Variants in MPPED2 observed in about 807,000 individuals in gnomAD.
The protein encoded by MPPED2 is metallophosphoesterase MPPED2.
A neutral mutation model predicts 33.0 loss-of-function variants in MPPED2; 5 were observed. The observed-to-expected ratio is 0.15, with a 90% CI of 0.08 to 0.32. The LOEUF is 0.32. Among genes scored for constraint, MPPED2 ranks in the 10% least tolerant of loss-of-function variants. The probability of loss-of-function intolerance (pLI) is 1.00; values close to 1 mark genes in which losing one functional copy is unlikely to be tolerated. For missense variants in MPPED2, 275 were observed against 372.1 expected, an observed-to-expected ratio of 0.74 and a Z score of 2.15; for synonymous variants, 136 against 141.9, an observed-to-expected ratio of 0.96 and a Z score of 0.29.
At chr11:30,477,714 C>T (rs1422652070) in intron 4 of MPPED2, among the ~76,000 whole-genome samples, 1 of 152,022 alleles carries the variant, frequency 6.6e-6, no homozygotes, top group African/African-American at 2.4e-5. Flanking sequence ...TAATGTCATG[C>T]TGGCTATAAA....
intron 4 of MPPED2, among the ~76,000 whole-genome samples, chr11:30,440,715 C>T (rs993305444): frequency 2.0e-5 from 3 of 152,354 alleles, no homozygotes; most frequent in South Asian, 2.1e-4. Flanking sequence ...ACTGCTGACA[C>T]GTTCATTTCA....
At chr11:30,433,996 T>C (rs909768012) in intron 4 of MPPED2, among the ~76,000 whole-genome samples, 1 of 152,152 alleles carries the variant, frequency 6.6e-6, no homozygotes, top group African/African-American at 2.4e-5. Context: ...CCTTGGCTCC[T>C]GGCCCTAAAT....
chr11:30,394,695 C>T lies in MPPED2; in HGVS notation c.767-5739G>A, dbSNP rs560396265. ...TGATGTGAAAATATTTTCTCCCACTCTGTAATTTGTATTTTTATTTTTTAA... is the reference window on the plus strand; with the variant it reads ...TGATGTGAAAATATTTTCTCCCACTTTGTAATTTGTATTTTTATTTTTTAA... On this transcript the variant is annotated intron_variant, in intron 6 of 6. Coordinates refer to the MPPED2 transcript ENST00000448418. 3.2e-4 allele frequency among the ~76,000 whole-genome samples: 49 copies of T among 152,244 alleles called. No individual in the cohort carries two copies. In the South Asian group the frequency reaches 9.8e-3, roughly 30 times the overall value.
At chr11:30,443,682 A>T (rs1194921749) in intron 4 of MPPED2, among the ~76,000 whole-genome samples, 1 of 152,234 alleles carries the variant, frequency 6.6e-6, no homozygotes, top group Admixed American at 6.5e-5. Context: ...AACACTTTGT[A>T]GGCAGGTGGA....
chr11:30,539,336 G>A (rs527954834), intron 2 of MPPED2, among the ~76,000 whole-genome samples: 12 of 152,066 alleles, frequency 7.9e-5, no homozygotes, highest in Non-Finnish European at 1.6e-4. Flanking sequence ...CTAAGGCATC[G>A]TGTCAAATAT....
At chr11:30,500,965 A>T (rs1419229941) in intron 3 of MPPED2, among the ~76,000 whole-genome samples, 2 of 152,202 alleles carry the variant, frequency 1.3e-5, no homozygotes, top group Non-Finnish European at 2.9e-5. Flanking sequence ...TTAAGCCCGC[A>T]TGAAGTGTCC....
At chr11:30,406,030 C>A (rs1203961868), downstream of MPPED2, among the ~76,000 whole-genome samples, 1 of 152,112 alleles carries the variant, frequency 6.6e-6, no homozygotes, top group East Asian at 1.9e-4. Context: ...AAACGCATGA[C>A]AAACAGCCAT....
At chr11:30,552,201 T>A (rs1265136001) in intron 2 of MPPED2, among the ~76,000 whole-genome samples, 1 of 152,220 alleles carries the variant, frequency 6.6e-6, no homozygotes, top group South Asian at 2.1e-4. Flanking sequence ...TAGGTAGGTG[T>A]TCTTGAACAC....
chr11:30,407,684 C>A (rs1017562884), downstream of MPPED2, among the ~76,000 whole-genome samples: 3 of 152,042 alleles, frequency 2.0e-5, no homozygotes, highest in South Asian at 6.2e-4. Flanking sequence ...CTGTCCTGGG[C>A]AACATGGGGA....
At chr11:30,531,321 G>A (rs1393979510) in intron 3 of MPPED2, among the ~76,000 whole-genome samples, 4 of 152,224 alleles carry the variant, frequency 2.6e-5, no homozygotes, top group Non-Finnish European at 5.9e-5. Flanking sequence ...CAGGTGAAGA[G>A]AGGCACAGGT....
intron 3 of MPPED2, among the ~76,000 whole-genome samples, chr11:30,510,193 G>T (rs1430989386): frequency 6.6e-6 from 1 of 151,982 alleles, no homozygotes; most frequent in Non-Finnish European, 1.5e-5. Flanking sequence ...ACGGTTTAAG[G>T]CCATTTTTTT....
chr11:30,495,354 T>C lies in MPPED2; in HGVS notation c.478A>G (p.Ile160Val). Residue 160 changes from isoleucine (I) to valine (V), a missense_variant, in exon 4 of 7, where the codon ATT (isoleucine) becomes GTT (valine). Ile to Val is a conservative substitution (Grantham distance 29). Transcript: ENST00000358117. ...DNVQSLLTNS[I>V]YLQDSEVTVK... ...GTTACCTCCGAATCTTGTAAGTAAATACTGTTTGTCAGGAGGGACTGAACA... is the reference window on the plus strand; with the variant it reads ...GTTACCTCCGAATCTTGTAAGTAAACACTGTTTGTCAGGAGGGACTGAACA... 1 of 1,614,152 alleles carries C rather than the reference T, an allele frequency of 6.2e-7. No individual in the cohort carries two copies. The highest frequency in any genetic ancestry group is 8.5e-7 in the Non-Finnish European group (1 of 1,180,002).
At chr11:30,414,203 T>C (rs1407311011) in intron 6 of MPPED2, 25 bp downstream of exon 6, 5 of 1,534,208 alleles carry the variant, frequency 3.3e-6, no homozygotes, top group Non-Finnish European at 4.5e-6. Flanking sequence ...ACAAAATGTT[T>C]TGAATTCTTT....
chr11:30,384,437 A>T (rs945184047), downstream of MPPED2: 3 of 150,302 alleles, frequency 2.0e-5, no homozygotes, highest in Non-Finnish European at 3.0e-5. Context: ...TTGATTCTCA[A>T]CCATGTTTAG....
chr11:30,579,286 G>A lies in MPPED2; in HGVS notation c.128+960C>T, dbSNP rs562662572. Among the ~76,000 whole-genome samples, 18 of 152,126 alleles carry A rather than the reference G, an allele frequency of 1.2e-4. No individual in the cohort carries two copies. In the South Asian group the frequency reaches 2.1e-3, roughly 18 times the overall value. ...AGAGCTTGTGACTTGGACATGCCCCGAGTTCAATTCTTCCAGGAGTGGTAA... is the reference window on the plus strand; with the variant it reads ...AGAGCTTGTGACTTGGACATGCCCCAAGTTCAATTCTTCCAGGAGTGGTAA... On this transcript the variant is annotated intron_variant, in intron 2 of 6. Coordinates refer to ENST00000358117, the MANE Select transcript of MPPED2 (RefSeq NM_001584.3).
At chr11:30,570,343 T>TC (rs1360683306) in intron 2 of MPPED2, among the ~76,000 whole-genome samples, 1 of 151,976 alleles carries the variant, frequency 6.6e-6, no homozygotes, top group Non-Finnish European at 1.5e-5. Context: ...AGTCCCCACC[T>TC]CCTAATACCA....
intron 2 of MPPED2, among the ~76,000 whole-genome samples, chr11:30,570,645 T>G (rs1956648076): frequency 1.3e-5 from 2 of 152,172 alleles, no homozygotes; most frequent in African/African-American, 4.8e-5. Context: ...AATGCCTATG[T>G]CATAGAAGAA....
At chr11:30,425,223 G>T (rs766263479) in intron 4 of MPPED2, among the ~76,000 whole-genome samples, 5 of 152,132 alleles carry the variant, frequency 3.3e-5, no homozygotes, top group Admixed American at 6.5e-5. Context: ...AGCACACGTG[G>T]ACATCTTTAC....
chr11:30,556,994 T>G (rs1238646115), intron 2 of MPPED2, among the ~76,000 whole-genome samples: 2 of 151,742 alleles, frequency 1.3e-5, no homozygotes, highest in South Asian at 4.2e-4. Flanking sequence ...AAAATCAAAA[T>G]CATAAGGGGG....
Sources: allele counts gnomAD v4.1 joint callset (sites outside exome capture counted in the v4.1 genomes callset), GRCh38; gene constraint gnomAD v4.1.1; transcripts MANE v1.5; gene names NCBI Gene and HGNC (gene_info 2026-07-23, HGNC 2026-07-21).